Variants in KLHL25 observed in about 807,000 individuals in gnomAD.
KLHL25 encodes kelch-like protein 25.
A neutral mutation model predicts 30.0 loss-of-function variants in KLHL25; 41 were observed. The observed-to-expected ratio is 1.37, with a 90% CI of 1.07 to 1.78. The LOEUF (loss-of-function observed/expected upper bound fraction) is 1.78, where lower values mean the gene tolerates loss of function less well. Ranked by LOEUF, KLHL25 falls within the 40% of genes most tolerant of loss-of-function variation. KLHL25 has a pLI of 0.00. For missense variants in KLHL25, 971 were observed against 824.5 expected, an observed-to-expected ratio of 1.18 and a Z score of -2.18; for synonymous variants, 399 against 355.3, an observed-to-expected ratio of 1.12 and a Z score of -1.38.
intron 1 of KLHL25, among the ~76,000 whole-genome samples, chr15:85,780,988 A>G (rs1412659937): frequency 1.3e-5 from 2 of 152,192 alleles, no homozygotes; most frequent in African/African-American, 4.8e-5. Flanking sequence ...AGGCCTGGTG[A>G]GATAAACCTG....
At chr15:85,772,145 C>T (rs1476449556) in intron 1 of KLHL25, among the ~76,000 whole-genome samples, 1 of 151,934 alleles carries the variant, frequency 6.6e-6, no homozygotes, top group Non-Finnish European at 1.5e-5. Flanking sequence ...AGTGTCAGGA[C>T]ATTTTAAGAG....
chr15:85,791,936 C>T (rs2089820163), intron 1 of KLHL25, among the ~76,000 whole-genome samples: 2 of 152,212 alleles, frequency 1.3e-5, no homozygotes, highest in Admixed American at 1.3e-4. Flanking sequence ...GTTAAAAGGA[C>T]TTAACAGGGA....
Position 85,794,757 on chromosome 15 carries a change from G to C in KLHL25, c.-11+9C>G, listed in dbSNP as rs901219275. On this transcript the variant is annotated intron_variant, in intron 1 of 2. Transcript: ENST00000337975. ...GAGCACGGCGTCCCCGCCCGGCCTGGATACTCACTGCCGGAGACGATCCCC... is the reference window on the plus strand; with the variant it reads ...GAGCACGGCGTCCCCGCCCGGCCTGCATACTCACTGCCGGAGACGATCCCC... 1 of 152,736 alleles carries C rather than the reference G, an allele frequency of 6.5e-6. No homozygotes were observed. The highest frequency in any genetic ancestry group is 1.5e-5 in the Non-Finnish European group (1 of 68,314). The allele number at this position is 152,736 out of a possible 1,614,324, so 9.5% of individuals were successfully genotyped here. A position where few individuals can be genotyped will look rare whatever the true frequency, so the allele number is the denominator to read the frequency against.
At chr15:85,792,610 G>C (rs983851019) in intron 1 of KLHL25, among the ~76,000 whole-genome samples, 1 of 152,140 alleles carries the variant, frequency 6.6e-6, no homozygotes, top group African/African-American at 2.4e-5. Context: ...CTGACTGTGC[G>C]GCCAGACACT....
chr15:85,772,669 G>C (rs2151808631), intron 1 of KLHL25, among the ~76,000 whole-genome samples: 1 of 152,342 alleles, frequency 6.6e-6, no homozygotes, highest in South Asian at 2.1e-4. Flanking sequence ...GACAAAGCAA[G>C]ACTCAAAAGA....
intron 1 of KLHL25, among the ~76,000 whole-genome samples, chr15:85,793,689 C>T (rs1439566069): frequency 6.6e-6 from 1 of 152,210 alleles, no homozygotes; most frequent in Non-Finnish European, 1.5e-5. Flanking sequence ...CCTGGTGCTA[C>T]TGCTAACTTC....
At chr15:85,793,567 T>A (rs750434337) in intron 1 of KLHL25, among the ~76,000 whole-genome samples, 3 of 152,120 alleles carry the variant, frequency 2.0e-5, no homozygotes, top group Non-Finnish European at 4.4e-5. Flanking sequence ...ACACTGAGCA[T>A]CAGTTCCTCC....
intron 1 of KLHL25, among the ~76,000 whole-genome samples, chr15:85,787,220 G>C (rs1171083355): frequency 6.6e-6 from 1 of 152,112 alleles, no homozygotes. Flanking sequence ...GCCGAGGCAG[G>C]TGGATCACCT....
At position 85,769,236 on chromosome 15, in the gene KLHL25, G is replaced by C. The variant is rs1226065724; in HGVS notation, c.575C>G (p.Thr192Arg). The C allele has an allele frequency of 5.6e-6, 9 of 1,613,742 alleles. No homozygotes were observed. Among genetic ancestry groups the C allele is most frequent in the Middle Eastern group, 1.6e-4 (1 of 6,084 alleles). The part of the protein sequence containing the change: ...SEDFNSLSKD[T>R]LLDLISSDEL... ...ATCACTCGAGATGAGGTCCAGCAGT[G>C]TGTCCTTGGACAGGCTGTTGAAGTC... is the stretch of plus-strand genomic sequence containing the variant. Residue 192 changes from threonine (T) to arginine (R), a missense_variant, in exon 2 of 3, where the codon ACA becomes AGA. Thr to Arg is a moderately conservative substitution (Grantham distance 71). Coordinates refer to ENST00000337975, the MANE Select transcript of KLHL25 (RefSeq NM_022480.4).
chr15:85,766,859 C>T (rs1297626059), intron 2 of KLHL25, among the ~76,000 whole-genome samples: 1 of 152,222 alleles, frequency 6.6e-6, no homozygotes, highest in East Asian at 1.9e-4. Context: ...CTGGTGAGCA[C>T]ACAGCTGCCC....
At position 85,790,038 on chromosome 15, in the gene KLHL25, C is replaced by T. The variant is rs187885339; in HGVS notation, c.-11+4728G>A. 7.4e-4 allele frequency among the ~76,000 whole-genome samples: 112 copies of T among 152,324 alleles called. No individual in the cohort carries two copies. The Middle Eastern group carries it at 0.014, about 19-fold the overall frequency. On this transcript the variant is annotated intron_variant, in intron 1 of 2. Transcript: ENST00000337975. ...CCCAGAGAAAGTAACTTGCCCAATT[C>T]CCACAGCACACATCCAAGGCAGAGC...
chr15:85,787,016 T>G (rs2089785516), intron 1 of KLHL25, among the ~76,000 whole-genome samples: 1 of 152,054 alleles, frequency 6.6e-6, no homozygotes, highest in South Asian at 2.1e-4. Flanking sequence ...TCAATAAACT[T>G]TGATCTTCTG....
rs1256088994 is a variant in KLHL25 at position 85,789,099 on chromosome 15, C to T, written c.-11+5667G>A. On this transcript the variant is annotated intron_variant, in intron 1 of 2. Transcript: ENST00000337975. The surrounding 1 kb of genome is among the most constrained non-coding windows in gnomAD (Gnocchi z 4.1). Reference sequence around the variant, plus strand: ...TAGATGGATCTGTGGTCAGCCTCTCCTTGGGGGCCCAATGGGAACAGGCAA... The same window carrying T: ...TAGATGGATCTGTGGTCAGCCTCTCTTTGGGGGCCCAATGGGAACAGGCAA... Among the ~76,000 whole-genome samples the T allele has an allele frequency of 6.6e-6, 1 of 152,226 alleles. No homozygotes were observed. Among genetic ancestry groups the T allele is most frequent in the Non-Finnish European group, 1.5e-5 (1 of 68,040 alleles).
chr15:85,783,923 C>T (rs1351900881), intron 1 of KLHL25, among the ~76,000 whole-genome samples: 2 of 152,110 alleles, frequency 1.3e-5, no homozygotes, highest in Non-Finnish European at 1.5e-5. Context: ...TCAGTTTTCT[C>T]ATCTGAAAAA....
chr15:85,766,345 A>C (rs573009649), intron 2 of KLHL25, among the ~76,000 whole-genome samples: 2 of 152,284 alleles, frequency 1.3e-5, no homozygotes, highest in Admixed American at 1.3e-4. Context: ...CCAGGACAGC[A>C]TGAGCCGGGA....
chr15:85,783,827 T>C (rs746362999), intron 1 of KLHL25, among the ~76,000 whole-genome samples: 3 of 152,176 alleles, frequency 2.0e-5, no homozygotes, highest in Non-Finnish European at 2.9e-5. Flanking sequence ...CCAGGAAGGT[T>C]AGATGCTAAG....
intron 1 of KLHL25, 83 bp downstream of exon 1, chr15:85,794,683 G>A (rs113754239): frequency 2.0e-5 from 3 of 152,074 alleles, no homozygotes; most frequent in Non-Finnish European, 4.4e-5. Context: ...GCCCGGCCCG[G>A]GGTGGTGAGT....
intron 1 of KLHL25, among the ~76,000 whole-genome samples, chr15:85,792,286 A>G (rs2089822689): frequency 6.6e-6 from 1 of 152,030 alleles, no homozygotes; most frequent in Admixed American, 6.5e-5. Flanking sequence ...GCTTGTTCCA[A>G]CTAAGTGTTT....
At chr15:85,764,831 T>C (rs1157886990) in intron 2 of KLHL25, among the ~76,000 whole-genome samples, 2 of 152,262 alleles carry the variant, frequency 1.3e-5, no homozygotes, top group Non-Finnish European at 2.9e-5. Flanking sequence ...ATTCTAGTGC[T>C]ATGAGTAATA....
Sources: allele counts gnomAD v4.1 joint callset (sites outside exome capture counted in the v4.1 genomes callset), GRCh38; gene constraint gnomAD v4.1.1; non-coding constraint Gnocchi (gnomAD v3.1); transcripts MANE v1.5; gene names NCBI Gene and HGNC (gene_info 2026-07-23, HGNC 2026-07-21).